The following TMEM273 variants were observed in gnomAD, a reference collection of about 807,000 sequenced individuals.
The protein encoded by TMEM273 is chromosome 10 open reading frame 128.
A neutral mutation model predicts 17.9 loss-of-function variants in TMEM273; 19 were observed. That is an observed-to-expected ratio of 1.06 (90% confidence interval 0.74 to 1.55). The LOEUF (loss-of-function observed/expected upper bound fraction) is 1.55, where lower values mean the gene tolerates loss of function less well. TMEM273 is among the 40% of genes most tolerant of loss of function. The probability of loss-of-function intolerance (pLI) is 0.00; values close to 1 mark genes in which losing one functional copy is unlikely to be tolerated. For synonymous variants in TMEM273, 66 were observed against 62.0 expected (o/e 1.07, Z -0.31); for missense variants, 194 against 155.6 (o/e 1.25, Z -1.31).
chr10:49,172,748 T>C (rs1366345956), intron 1 of TMEM273, among the ~76,000 whole-genome samples: 1 of 152,002 alleles, frequency 6.6e-6, no homozygotes, highest in Non-Finnish European at 1.5e-5. Flanking sequence ...CCAAATTGAG[T>C]GTGTGCACAG....
chr10:49,174,045 T>C (rs539997965), intron 1 of TMEM273, among the ~76,000 whole-genome samples: 1 of 152,300 alleles, frequency 6.6e-6, no homozygotes, highest in African/African-American at 2.4e-5. Context: ...ACACAGCAGA[T>C]TGATCCTGGG....
chr10:49,183,264 T>C (rs1245832570), intron 1 of TMEM273, among the ~76,000 whole-genome samples: 1 of 152,178 alleles, frequency 6.6e-6, no homozygotes, highest in Non-Finnish European at 1.5e-5. Flanking sequence ...GTGGTATATA[T>C]ATTCTTAAGA....
intron 1 of TMEM273, among the ~76,000 whole-genome samples, chr10:49,183,353 T>TTGTG (rs3079989): frequency 0.071 from 10,517 of 148,608 alleles, 573 homozygotes; most frequent in Admixed American, 0.17. Flanking sequence ...AGGAAACAAA[T>TTGTG]TGTGTGTGTG....
intron 1 of TMEM273, chr10:49,178,045 C>T (rs1590237700): frequency 2.6e-6 from 1 of 385,420 alleles, no homozygotes; most frequent in East Asian, 7.3e-5. Flanking sequence ...TTTGCCTTCT[C>T]CTAGTAAGTC....
intron 6 of TMEM273, among the ~76,000 whole-genome samples, chr10:49,158,112 T>A (rs1203186421): frequency 6.6e-6 from 1 of 152,004 alleles, no homozygotes; most frequent in African/African-American, 2.4e-5. Context: ...AATATGACAA[T>A]CTTATAAGAG....
chr10:49,156,007 A>G, intron 6 of TMEM273, 98 bp from the exon 7 acceptor site: 1 of 1,606,606 alleles, frequency 6.2e-7, no homozygotes, highest in Non-Finnish European at 8.5e-7. Context: ...AAACAGGTAT[A>G]AAAGCTCATC....
intron 1 of TMEM273, among the ~76,000 whole-genome samples, chr10:49,182,781 A>G (rs1178147180): frequency 6.6e-6 from 1 of 152,258 alleles, no homozygotes; most frequent in African/African-American, 2.4e-5. Context: ...TGTGACAACC[A>G]TAATCCAAAA....
At position 49,155,890 on chromosome 10, in the gene TMEM273, G is replaced by T. The variant is rs746344552; in HGVS notation, c.*2C>A. 6.2e-7 allele frequency: 1 copy of T among 1,614,048 alleles called. No individual in the cohort carries two copies. The highest frequency in any genetic ancestry group is 1.3e-5 in the African/African-American group (1 of 74,928). On this transcript the variant is annotated 3_prime_UTR_variant, in exon 7 of 7. Transcript: ENST00000374153. Reference sequence around the variant, plus strand: ...CTCTTCACGTCACTGCTCACCTACAGCTCAATCACCTGTGCATCTCTGGAA... The same window carrying T: ...CTCTTCACGTCACTGCTCACCTACATCTCAATCACCTGTGCATCTCTGGAA...
intron 3 of TMEM273, 113 bp downstream of exon 3, chr10:49,166,756 G>C (rs1191243902): frequency 6.7e-7 from 1 of 1,495,446 alleles, no homozygotes; most frequent in Non-Finnish European, 9.2e-7. Context: ...TTCCTTTACA[G>C]CCTGTTGGGC....
rs2132327615 is a variant in TMEM273 at position 49,188,327 on chromosome 10, C to A, written c.10G>T (p.Gly4Trp). 6.2e-7 allele frequency: 1 copy of A among 1,614,188 alleles called. No individual in the cohort carries two copies. Among genetic ancestry groups the A allele is most frequent in the Non-Finnish European group, 8.5e-7 (1 of 1,180,022 alleles). MNL[G>W]VSMLRILFLL... The stretch of plus-strand genomic sequence containing the variant: ...AAGAGGATCCTCAGCATGCTGACCC[C>A]CAAGTTCATGCTGGCGCTCTGCTCT... Residue 4 changes from glycine to tryptophan, a missense_variant, in exon 1 of 7, where the codon GGG becomes TGG. Gly to Trp is a radical substitution (Grantham distance 184). Coordinates refer to ENST00000374153, the MANE Select transcript of TMEM273 (RefSeq NM_001288740.3).
intron 1 of TMEM273, among the ~76,000 whole-genome samples, chr10:49,183,761 T>C (rs1026376275): frequency 3.9e-5 from 6 of 152,104 alleles, no homozygotes; most frequent in African/African-American, 9.7e-5. Context: ...ATGAACAGGG[T>C]CCACGTGGGA....
chr10:49,181,615 AT>A (rs1386143342), intron 1 of TMEM273, among the ~76,000 whole-genome samples: 2 of 152,190 alleles, frequency 1.3e-5, no homozygotes, highest in Non-Finnish European at 2.9e-5. Flanking sequence ...AGGAAGGATC[AT>A]TTTTTCAACC....
intron 6 of TMEM273, 197 bp from the exon 7 acceptor site, chr10:49,156,106 C>T (rs907468315): frequency 1.3e-6 from 2 of 1,541,468 alleles, no homozygotes; most frequent in African/African-American, 2.7e-5. Context: ...AGAGCTCAAC[C>T]TGGAAGTTGT....
rs78809154 is a variant in TMEM273 at position 49,162,998 on chromosome 10, C to T, written c.349-1376G>A. Among the ~76,000 whole-genome samples, 55 of 152,320 alleles carry T rather than the reference C, an allele frequency of 3.6e-4. 1 individual carries two copies. The East Asian group carries it at 6.0e-3, about 17-fold the overall frequency. On this transcript the variant is annotated intron_variant, in intron 5 of 6. Coordinates refer to ENST00000374153, the MANE Select transcript of TMEM273 (RefSeq NM_001288740.3). ...CCAACCCACAGCCATCTGAGTGCTG[C>T]CCTTGGGTCAGCGGGGACTGGGACA...
Position 49,169,371 on chromosome 10 carries a change from C to T in TMEM273, c.44-1409G>A, listed in dbSNP as rs187263519. ...TGTCTGCTGACCACACTCAGTGATG[C>T]CCAGAGTGGCGTGGTAGGTTGGAGC... On this transcript the variant is annotated intron_variant, in intron 1 of 6. Transcript: ENST00000374153. Among the ~76,000 whole-genome samples, 5 of 152,322 alleles carry T rather than the reference C, an allele frequency of 3.3e-5. No homozygotes were observed. The East Asian group carries it at 9.6e-4, about 29-fold the overall frequency.
intron 1 of TMEM273, among the ~76,000 whole-genome samples, chr10:49,174,028 A>G (rs1055105919): frequency 6.6e-6 from 1 of 152,076 alleles, no homozygotes; most frequent in African/African-American, 2.4e-5. Context: ...CAGCCCAGCT[A>G]TGCTTCACAC....
At chr10:49,176,207 C>T (rs1564639761) in intron 1 of TMEM273, among the ~76,000 whole-genome samples, 3 of 152,194 alleles carry the variant, frequency 2.0e-5, no homozygotes, top group Non-Finnish European at 2.9e-5. Flanking sequence ...AACACGCCAC[C>T]ACCTGAGATG....
At chr10:49,181,988 A>T (rs766249825) in intron 1 of TMEM273, among the ~76,000 whole-genome samples, 6 of 152,258 alleles carry the variant, frequency 3.9e-5, no homozygotes, top group Non-Finnish European at 5.9e-5. Flanking sequence ...AAAATTCAAC[A>T]GTAAAAGAAA....
chr10:49,175,948 C>G (rs116027824), intron 1 of TMEM273, among the ~76,000 whole-genome samples: 5,597 of 152,276 alleles, frequency 0.037, 188 homozygotes, highest in Non-Finnish European at 0.037. Flanking sequence ...ACTTGCCCCA[C>G]CTTTGAGCCT....
Sources: gnomAD v4.1 joint callset for allele counts (sites outside exome capture counted in the v4.1 genomes callset) on GRCh38, gnomAD v4.1.1 for gene constraint, MANE v1.5 for transcripts, NCBI Gene and HGNC (gene_info 2026-07-23, HGNC 2026-07-21) for gene names.